The following SAFB2 variants were observed in gnomAD, a reference collection of about 807,000 sequenced individuals.
The protein encoded by SAFB2 is scaffold attachment factor B2.
In SAFB2, 32 loss-of-function variants were observed where a neutral mutation model predicts 100.6. That is an observed-to-expected ratio of 0.32 (90% CI 0.24 to 0.43). SAFB2 has a LOEUF of 0.43. Among genes scored for constraint, SAFB2 ranks in the 20% least tolerant of loss-of-function variants. The pLI is 1.00. For synonymous variants in SAFB2, 500 were observed against 439.4 expected, an observed-to-expected ratio of 1.14 and a Z score of -1.72; for missense variants, 1,185 against 1,163.4, an observed-to-expected ratio of 1.02 and a Z score of -0.27.
intron 8 of SAFB2, 195 bp downstream of exon 8, chr19:5,610,444 C>G (rs1323408525): frequency 1.6e-6 from 1 of 613,372 alleles, no homozygotes; most frequent in African/African-American, 1.9e-5. Flanking sequence ...CCATAGATGA[C>G]AACCACAAGA....
At chr19:5,588,052 C>A (rs1191837907) in intron 18 of SAFB2, 72 bp from the exon 19 acceptor site, 1 of 1,373,898 alleles carries the variant, frequency 7.3e-7, no homozygotes, top group Admixed American at 2.2e-5. Flanking sequence ...GGCGCACCCA[C>A]CCTGACCTCA....
intron 4 of SAFB2, chr19:5,613,825 C>T (rs1227974095): frequency 1.3e-6 from 1 of 750,574 alleles, no homozygotes; most frequent in Admixed American, 6.3e-5. Context: ...CCACATACCC[C>T]TCCAATCACA....
chr19:5,609,883 C>A, intron 9 of SAFB2, 112 bp downstream of exon 9: 1 of 893,614 alleles, frequency 1.1e-6, no homozygotes, highest in South Asian at 1.5e-5. Context: ...AGCAATCCTC[C>A]TGCCTCAGCC....
chr19:5,603,269 G>A (rs991737754), intron 11 of SAFB2, among the ~76,000 whole-genome samples: 1 of 152,062 alleles, frequency 6.6e-6, no homozygotes, highest in Non-Finnish European at 1.5e-5. Context: ...AAAGTAAAAT[G>A]TTTTTTAAAA....
intron 13 of SAFB2, among the ~76,000 whole-genome samples, chr19:5,597,848 G>C (rs1313116646): frequency 6.6e-6 from 1 of 152,146 alleles, no homozygotes; most frequent in Non-Finnish European, 1.5e-5. Context: ...ACTAAGTCTT[G>C]GTTGGGCACG....
chr19:5,608,661 A>C (rs1470008294), intron 9 of SAFB2, among the ~76,000 whole-genome samples: 1 of 152,192 alleles, frequency 6.6e-6, no homozygotes, highest in Non-Finnish European at 1.5e-5. Flanking sequence ...GCCTGGAATC[A>C]GGGCACCCTC....
In SAFB2 at chr19:5,609,991, A is replaced by AT. The variant is rs1436910881; in HGVS notation, c.1296+3dup. 1 of 1,613,066 alleles carries AT rather than the reference A, an allele frequency of 6.2e-7. No individual in the cohort carries two copies. The highest frequency in any genetic ancestry group is 1.1e-5 in the South Asian group (1 of 90,984). ...TGGATGGTATGAGGCAAGGGAAGGCATACCTTCCCATACTTGCTGAAAAGG... is the reference window on the plus strand; with the variant it reads ...TGGATGGTATGAGGCAAGGGAAGGCATTACCTTCCCATACTTGCTGAAAAGG... On this transcript the variant is annotated splice_donor_region_variant and intron_variant, in intron 9 of 20. Transcript: ENST00000252542.
chr19:5,600,040 G>A lies in SAFB2; in HGVS notation c.1690+90C>T, dbSNP rs184153554. ...GAACAGCGAAACAGCCATGTCACCA[G>A]AGCTTGCTGTCCTCACCTTCCCTCG... On this transcript the variant is annotated intron_variant, in intron 12 of 20. Coordinates refer to ENST00000252542, the MANE Select transcript of SAFB2 (RefSeq NM_014649.3). 7.4e-6 allele frequency: 10 copies of A among 1,356,608 alleles called. No homozygotes were observed. In the African/African-American group the frequency reaches 1.5e-4, roughly 20 times the overall value. 84.0% of individuals were successfully genotyped at this position (1,356,608 alleles called of 1,614,324 possible).
At chr19:5,613,643 C>T in intron 4 of SAFB2, 116 bp from the exon 5 acceptor site, 2 of 1,504,286 alleles carry the variant, frequency 1.3e-6, no homozygotes, top group Non-Finnish European at 1.8e-6. Flanking sequence ...TTGCCATCTG[C>T]AAGTCTACTG....
chr19:5,598,419 G>A (rs1457473265), intron 13 of SAFB2: 1 of 254,600 alleles, frequency 3.9e-6, no homozygotes, highest in Non-Finnish European at 7.8e-6. Flanking sequence ...AATTTAATAG[G>A]AGACTAAAAA....
chr19:5,622,412 G>T (rs922949585), intron 1 of SAFB2, 118 bp downstream of exon 1: 1 of 1,062,768 alleles, frequency 9.4e-7, no homozygotes, highest in South Asian at 1.9e-5. Flanking sequence ...CTCGAACCGG[G>T]GTCGGCCAAG....
At position 5,591,805 on chromosome 19, in the gene SAFB2, A is replaced by G. The variant is rs1310634184; in HGVS notation, c.2349-12T>C. On this transcript the variant is annotated splice_polypyrimidine_tract_variant and intron_variant, in intron 16 of 20. Transcript: ENST00000252542. Reference sequence around the variant, plus strand: ...TCGAACCCTCCCGCCTGCAAAAGGAAAAGATCCCGTTCAAACAGCACCAGG... The same window carrying G: ...TCGAACCCTCCCGCCTGCAAAAGGAGAAGATCCCGTTCAAACAGCACCAGG... The G allele has an allele frequency of 2.5e-6, 4 of 1,613,882 alleles. No homozygotes were observed. The Admixed American group carries it at 5.0e-5, about 20-fold the overall frequency.
rs376008160 is a variant in SAFB2 at position 5,613,486 on chromosome 19, C to G, written c.585G>C (p.Ser195=). 9.3e-6 allele frequency: 15 copies of G among 1,613,730 alleles called. No individual in the cohort carries two copies. Among genetic ancestry groups the G allele is most frequent in the African/African-American group, 2.7e-5 (2 of 74,922 alleles). Residue 195 remains serine, a synonymous_variant, in exon 5 of 21, where the codon TCG becomes TCC. Transcript: ENST00000252542. Reference sequence around the variant, plus strand: ...TTACCGGAGTTACTTTGAAGTTCAACGATGAAGTTTCCAAAGTGTTCTTAA... The same window carrying G: ...TTACCGGAGTTACTTTGAAGTTCAAGGATGAAGTTTCCAAAGTGTTCTTAA... ...EGFKNTLETS[S]LNFKVTPDIE... is the part of the protein sequence containing the mutation.
chr19:5,622,740 G>T lies in SAFB2; in HGVS notation c.-25C>A. ...TCGTCGCGTTCCCGTCTTCGCCACC[G>T]ACTCAGTCGCACACCGCCGGCAGCT... is the stretch of plus-strand genomic sequence containing the variant. On this transcript the variant is annotated 5_prime_UTR_variant, in exon 1 of 21. Transcript: ENST00000252542. 6.3e-7 allele frequency: 1 copy of T among 1,583,940 alleles called. No individual in the cohort carries two copies. Among genetic ancestry groups the T allele is most frequent in the South Asian group, 1.1e-5 (1 of 88,676 alleles).
chr19:5,590,260 T>C lies in SAFB2; in HGVS notation c.2525+18A>G. 6.5e-7 allele frequency: 1 copy of C among 1,542,800 alleles called. No individual in the cohort carries two copies. Among genetic ancestry groups the C allele is most frequent in the Non-Finnish European group, 8.8e-7 (1 of 1,140,904 alleles). On this transcript the variant is annotated intron_variant, in intron 18 of 20. Coordinates refer to ENST00000252542, the MANE Select transcript of SAFB2 (RefSeq NM_014649.3). ...TTAGGACAGATGCTCCCCACCCGGCTGGGGCTCACCCACTAACCTGGGGGG... is the reference window on the plus strand; with the variant it reads ...TTAGGACAGATGCTCCCCACCCGGCCGGGGCTCACCCACTAACCTGGGGGG...
chr19:5,587,179 G>A lies in SAFB2; in HGVS notation c.*64C>T, dbSNP rs1308916883. ...TTTTAAAAAGATCCCCCAAGTTCGAGGGAACCCTGGCTACCAGATTCAACA... is the reference window on the plus strand; with the variant it reads ...TTTTAAAAAGATCCCCCAAGTTCGAAGGAACCCTGGCTACCAGATTCAACA... On this transcript the variant is annotated 3_prime_UTR_variant, in exon 21 of 21. Transcript: ENST00000252542. The surrounding 1 kb of genome is among the most constrained non-coding windows in gnomAD (Gnocchi z 4.9). 5.0e-6 allele frequency: 8 copies of A among 1,584,610 alleles called. No homozygotes were observed. The highest frequency in any genetic ancestry group is 6.9e-6 in the Non-Finnish European group (8 of 1,158,442).
chr19:5,609,885 G>GC (rs1234637609), intron 9 of SAFB2, 110 bp downstream of exon 9: 1 of 907,224 alleles, frequency 1.1e-6, no homozygotes, highest in Non-Finnish European at 1.7e-6. Flanking sequence ...CAATCCTCCT[G>GC]CCTCAGCCTC....
At chr19:5,598,223 T>G (rs1465726297) in intron 13 of SAFB2, among the ~76,000 whole-genome samples, 3 of 152,034 alleles carry the variant, frequency 2.0e-5, no homozygotes, top group Non-Finnish European at 2.9e-5. Context: ...AAAAAAGTAC[T>G]GTCACCTCAT....
chr19:5,589,501 T>C (rs2145311812), intron 18 of SAFB2, among the ~76,000 whole-genome samples: 1 of 152,016 alleles, frequency 6.6e-6, no homozygotes, highest in East Asian at 2.0e-4. Context: ...GAGGCAGCCC[T>C]GGGCCAGGGC....
Sources: gnomAD v4.1 joint callset for allele counts (sites outside exome capture counted in the v4.1 genomes callset) on GRCh38, gnomAD v4.1.1 for gene constraint, Gnocchi (gnomAD v3.1) non-coding constraint, MANE v1.5 for transcripts, NCBI Gene and HGNC (gene_info 2026-07-23, HGNC 2026-07-21) for gene names.